Variants in DLGAP2 observed in about 807,000 individuals in gnomAD.
DLGAP2 encodes the protein DLG associated protein 2.
Under a neutral mutation model 100.3 loss-of-function variants are expected in DLGAP2, and 26 were observed. The observed-to-expected ratio is 0.26, with a 90% CI of 0.19 to 0.36. The LOEUF (loss-of-function observed/expected upper bound fraction) is 0.36, where lower values mean the gene tolerates loss of function less well. Among genes scored for constraint, DLGAP2 ranks in the 10% least tolerant of loss-of-function variants. The pLI is 1.00. For missense variants in DLGAP2, 1,858 were observed against 1,453.2 expected (o/e 1.28, Z -4.53); for synonymous variants, 886 against 630.1 (o/e 1.41, Z -6.08).
intron 2 of DLGAP2, among the ~76,000 whole-genome samples, chr8:1,039,667 CAGCTCGGTGTG>C (rs1802255526): frequency 1.7e-5 from 2 of 118,896 alleles, no homozygotes; most frequent in Non-Finnish European, 1.7e-5. Flanking sequence ...TGTGGGTGGT[CAGCTCGGTGTG>C]CGTGGTCAGC....
At chr8:1,430,180 T>C (rs1797384820) in intron 3 of DLGAP2, among the ~76,000 whole-genome samples, 1 of 151,244 alleles carries the variant, frequency 6.6e-6, no homozygotes, top group South Asian at 2.1e-4. Flanking sequence ...GGTGACATTC[T>C]CTGCAAAAAT....
intron 1 of DLGAP2, among the ~76,000 whole-genome samples, chr8:876,164 TAGG>T (rs750151720): frequency 7.6e-4 from 115 of 152,174 alleles, no homozygotes; most frequent in Non-Finnish European, 1.2e-3. Context: ...TTAAATCAGT[TAGG>T]AGGACAGAAA....
chr8:1,188,555 G>A lies in DLGAP2; in HGVS notation c.74-70296G>A, dbSNP rs531833480. Among the ~76,000 whole-genome samples the A allele has an allele frequency of 4.0e-5, 6 of 150,866 alleles. No homozygotes were observed. In the East Asian group the frequency reaches 1.2e-3, roughly 30 times the overall value. On this transcript the variant is annotated intron_variant, in intron 2 of 14. Coordinates refer to ENST00000637795, the MANE Select transcript of DLGAP2 (RefSeq NM_001346810.2). ...TCCCTCACGGAATCTCAGACGCCCG[G>A]GATCTCCGTGATGTTTCCCTCACGG...
chr8:1,476,807 G>A (rs1034612541), intron 3 of DLGAP2, among the ~76,000 whole-genome samples: 2 of 148,944 alleles, frequency 1.3e-5, no homozygotes, highest in African/African-American at 5.0e-5. Flanking sequence ...ACCCACCCGT[G>A]ATGGCTGAGT....
chr8:1,508,857 C>A (rs571536680), intron 4 of DLGAP2, among the ~76,000 whole-genome samples: 17 of 151,866 alleles, frequency 1.1e-4, no homozygotes, highest in African/African-American at 2.9e-4. Context: ...TTCGTAGGAT[C>A]TCCAGAGGGG....
intron 5 of DLGAP2, among the ~76,000 whole-genome samples, chr8:1,561,597 T>G (rs560456744): frequency 2.0e-5 from 3 of 152,306 alleles, no homozygotes; most frequent in African/African-American, 7.2e-5. Flanking sequence ...TGAGCTGCCG[T>G]GTGCCTGGGC....
chr8:1,262,452 C>T (rs1479602313), intron 3 of DLGAP2: 3 of 152,106 alleles, frequency 2.0e-5, no homozygotes, highest in Non-Finnish European at 2.9e-5. Flanking sequence ...TGAAATGCAG[C>T]GTGGCGTGAA....
intron 4 of DLGAP2, among the ~76,000 whole-genome samples, chr8:1,516,829 C>T (rs1455023704): frequency 6.6e-6 from 1 of 152,206 alleles, no homozygotes; most frequent in Non-Finnish European, 1.5e-5. Context: ...CACAATCAGG[C>T]TTGTGCCTTT....
In DLGAP2 at chr8:1,596,249, C is replaced by T. The variant is rs375544863; in HGVS notation, c.1442+30355C>T. On this transcript the variant is annotated intron_variant, in intron 6 of 14. Coordinates refer to ENST00000637795, the MANE Select transcript of DLGAP2 (RefSeq NM_001346810.2). ...AGTATTCCATGGTGTATATGTGCCA[C>T]ATTTTCTTTATGCAGTTTATCATTG... 3.9e-5 allele frequency among the ~76,000 whole-genome samples: 6 copies of T among 152,278 alleles called. No individual in the cohort carries two copies. In the South Asian group the frequency reaches 1.2e-3, roughly 32 times the overall value.
intron 5 of DLGAP2, among the ~76,000 whole-genome samples, chr8:1,559,481 T>C (rs1802084446): frequency 6.6e-6 from 1 of 152,240 alleles, no homozygotes; most frequent in South Asian, 2.1e-4. Context: ...GAATTCATGC[T>C]TTGAAATTGA....
At chr8:788,011 C>G (rs1161885972) in intron 1 of DLGAP2, among the ~76,000 whole-genome samples, 1 of 120,972 alleles carries the variant, frequency 8.3e-6, no homozygotes, top group Non-Finnish European at 1.8e-5. Context: ...GGCAGTAGGA[C>G]AGCAGCATGG....
intron 2 of DLGAP2, among the ~76,000 whole-genome samples, chr8:922,831 C>T (rs1480398832): frequency 6.6e-6 from 1 of 152,144 alleles, no homozygotes; most frequent in Non-Finnish European, 1.5e-5. Flanking sequence ...CCACTGTTCT[C>T]TCAGGTGTGA....
chr8:1,278,977 G>A (rs775872961), intron 3 of DLGAP2, among the ~76,000 whole-genome samples: 7 of 152,204 alleles, frequency 4.6e-5, no homozygotes, highest in African/African-American at 7.2e-5. Context: ...TTCAGTTAAG[G>A]TGAGGATAAA....
intron 1 of DLGAP2, among the ~76,000 whole-genome samples, chr8:797,329 T>C (rs183012303): frequency 6.6e-6 from 1 of 152,374 alleles, no homozygotes; most frequent in Non-Finnish European, 1.5e-5. Flanking sequence ...TGACTTTGCT[T>C]ATTTCACTCA....
intron 1 of DLGAP2, among the ~76,000 whole-genome samples, chr8:803,280 A>G (rs1294373811): frequency 2.0e-5 from 3 of 152,080 alleles, no homozygotes; most frequent in African/African-American, 7.2e-5. Flanking sequence ...CTCACGCCCC[A>G]TTTTATCTCT....
At chr8:1,530,570 G>A (rs1328589341) in intron 4 of DLGAP2, among the ~76,000 whole-genome samples, 1 of 152,146 alleles carries the variant, frequency 6.6e-6, no homozygotes, top group East Asian at 1.9e-4. Context: ...GTAAAGACAG[G>A]CATAGGAAAT....
At chr8:1,421,193 A>G (rs911724668) in intron 3 of DLGAP2, among the ~76,000 whole-genome samples, 4 of 152,240 alleles carry the variant, frequency 2.6e-5, no homozygotes, top group African/African-American at 9.6e-5. Context: ...TTCCTGGAAC[A>G]TAGCTCTAAC....
chr8:1,539,704 C>T (rs957729254), intron 4 of DLGAP2, among the ~76,000 whole-genome samples: 2 of 152,148 alleles, frequency 1.3e-5, no homozygotes, highest in African/African-American at 4.8e-5. Flanking sequence ...TTGGAGGATG[C>T]CGACAGCGAG....
chr8:1,135,746 C>T (rs1796397069), intron 2 of DLGAP2, among the ~76,000 whole-genome samples: 1 of 152,092 alleles, frequency 6.6e-6, no homozygotes, highest in African/African-American at 2.4e-5. Flanking sequence ...CTTACCGATG[C>T]AGAGGATGGC....
Sources: gnomAD v4.1 joint callset for allele counts (sites outside exome capture counted in the v4.1 genomes callset) on GRCh38, gnomAD v4.1.1 for gene constraint, MANE v1.5 for transcripts, NCBI Gene and HGNC (gene_info 2026-07-23, HGNC 2026-07-21) for gene names.